HIVEP3: variants seen among roughly 807,000 people sequenced by gnomAD.
HIVEP3 encodes HIVEP zinc finger 3, also known as transcription factor HIVEP3.
A neutral mutation model predicts 152.8 loss-of-function variants in HIVEP3; 49 were observed. The ratio of observed to expected loss-of-function variants is 0.32; its 90% CI spans 0.26 to 0.41. The LOEUF is 0.41. Among genes scored for constraint, HIVEP3 ranks in the 10% least tolerant of loss-of-function variants. The probability of loss-of-function intolerance (pLI) is 1.00; values close to 1 mark genes in which losing one functional copy is unlikely to be tolerated. For synonymous variants in HIVEP3, 1,269 were observed against 1,289.0 expected, an observed-to-expected ratio of 0.98 and a Z score of 0.33; for missense variants, 2,790 against 3,103.3, an observed-to-expected ratio of 0.90 and a Z score of 2.40.
At chr1:41,635,489 T>TATAC (rs151222285) in intron 2 of HIVEP3, among the ~76,000 whole-genome samples, 3,897 of 147,430 alleles carry the variant, frequency 0.026, 329 homozygotes, top group African/African-American at 0.094. Context: ...TATATATATA[T>TATAC]ACACACACAT....
chr1:41,547,483 T>C (rs1569860156), intron 5 of HIVEP3, among the ~76,000 whole-genome samples: 1 of 151,970 alleles, frequency 6.6e-6, no homozygotes, highest in Admixed American at 6.6e-5. Flanking sequence ...GTGGAGGGGA[T>C]GGCAGGAGCA....
chr1:41,589,087 G>A (rs931615922), intron 3 of HIVEP3, among the ~76,000 whole-genome samples: 1 of 152,184 alleles, frequency 6.6e-6, no homozygotes, highest in East Asian at 1.9e-4. Context: ...GGTTCTGAGG[G>A]TATGTGTGAA....
intron 1 of HIVEP3, among the ~76,000 whole-genome samples, chr1:41,909,486 AACTG>A (rs778666556): frequency 6.6e-6 from 1 of 152,172 alleles, no homozygotes; most frequent in Non-Finnish European, 1.5e-5. Context: ...ATAAAACACA[AACTG>A]ACAGACCATA....
intron 1 of HIVEP3, among the ~76,000 whole-genome samples, chr1:41,749,152 C>T (rs1353001757): frequency 6.6e-6 from 1 of 152,158 alleles, no homozygotes; most frequent in Non-Finnish European, 1.5e-5. Flanking sequence ...TGAATGTCAC[C>T]CACTAGAAGG....
At position 41,581,101 on chromosome 1, in the gene HIVEP3, C is replaced by T. The variant is rs1644398074; in HGVS notation, c.3697G>A (p.Ala1233Thr). The T allele has an allele frequency of 1.3e-6, 2 of 1,559,040 alleles. No individual in the cohort carries two copies. The highest frequency in any genetic ancestry group is 2.3e-5 in the East Asian group (1 of 44,366). ...GGCAGGAAAAACCCAGAAGACAGTG[C>T]TGAGGAGGTCGGGTATGGCATGGGG... ...FLPMPYPTSS[A>T]LSSGFFLPLQ... is the part of the protein sequence containing the mutation. The change falls in exon 4 of 9, where the codon GCA (alanine) becomes ACA (threonine). Residue 1233 changes from alanine (A) to threonine (T), a missense_variant. By Grantham distance (58) the Ala-to-Thr change is moderately conservative. Transcript: ENST00000372583. This position sits in a 1 kb window ranked among gnomAD's most constrained non-coding sequence, Gnocchi z 4.5.
At chr1:41,570,203 T>C (rs1238266065) in intron 5 of HIVEP3, among the ~76,000 whole-genome samples, 1 of 152,164 alleles carries the variant, frequency 6.6e-6, no homozygotes, top group Non-Finnish European at 1.5e-5. Flanking sequence ...CAGGCGATGA[T>C]GGGACTCACT....
intron 1 of HIVEP3, among the ~76,000 whole-genome samples, chr1:41,962,251 G>A (rs1645173473): frequency 6.6e-6 from 1 of 152,176 alleles, no homozygotes; most frequent in Non-Finnish European, 1.5e-5. Context: ...CAGAAGAGAG[G>A]CCAGGCCCAG....
intron 1 of HIVEP3, among the ~76,000 whole-genome samples, chr1:41,808,287 A>G (rs1650751120): frequency 6.6e-6 from 1 of 152,184 alleles, no homozygotes; most frequent in African/African-American, 2.4e-5. Context: ...TGCCCCAAAG[A>G]CCACAAAATG....
chr1:41,579,728 T>C lies in HIVEP3; in HGVS notation c.5061+9A>G. On this transcript the variant is annotated intron_variant, in intron 4 of 8. Transcript: ENST00000372583. ...TCAGTGATGAGAAGAAAAACAAGGC[T>C]GAACTTACCTCTGTCATGCGGGGCT... 6.5e-7 allele frequency: 1 copy of C among 1,544,660 alleles called. No individual in the cohort carries two copies. The highest frequency in any genetic ancestry group is 8.7e-7 in the Non-Finnish European group (1 of 1,144,068).
At chr1:41,571,087 C>T (rs1344307360) in intron 5 of HIVEP3, among the ~76,000 whole-genome samples, 1 of 152,064 alleles carries the variant, frequency 6.6e-6, no homozygotes, top group Non-Finnish European at 1.5e-5. Flanking sequence ...GGAGGTGCAG[C>T]AGCTGAGTCC....
chr1:41,636,521 A>T (rs185121902), intron 2 of HIVEP3, among the ~76,000 whole-genome samples: 12 of 152,364 alleles, frequency 7.9e-5, no homozygotes, highest in Non-Finnish European at 1.6e-4. Context: ...ATCAACAGTT[A>T]AAAAGCAAAT....
chr1:42,032,614 A>G (rs1413500890), intron 1 of HIVEP3, among the ~76,000 whole-genome samples: 1 of 152,092 alleles, frequency 6.6e-6, no homozygotes, highest in African/African-American at 2.4e-5. Flanking sequence ...AGCTCCAATC[A>G]GGGGCTCTCC....
chr1:41,715,668 G>A (rs540361830), intron 1 of HIVEP3, among the ~76,000 whole-genome samples: 4 of 152,322 alleles, frequency 2.6e-5, no homozygotes, highest in Admixed American at 1.3e-4. Context: ...TCCCCAGGCC[G>A]GCTTTGCTGC....
chr1:41,596,405 G>A (rs1644666449), intron 3 of HIVEP3, among the ~76,000 whole-genome samples: 1 of 152,152 alleles, frequency 6.6e-6, no homozygotes, highest in African/African-American at 2.4e-5. Flanking sequence ...TTGGAAGGAA[G>A]AGGTTTTTTG....
chr1:41,898,878 C>A lies in HIVEP3; in HGVS notation c.-801+19535G>T, dbSNP rs551264329. Among the ~76,000 whole-genome samples the A allele has an allele frequency of 3.9e-5, 6 of 152,326 alleles. No individual in the cohort carries two copies. In the East Asian group the frequency reaches 1.2e-3, roughly 29 times the overall value. On this transcript the variant is annotated intron_variant, in intron 1 of 8. Coordinates refer to ENST00000372583, the MANE Select transcript of HIVEP3 (RefSeq NM_024503.5). ...CTGGTTCCCAGGCTAGAAGACAGAC[C>A]AGATCTATTCATTCAGCAAGCATTA... is the stretch of plus-strand genomic sequence containing the variant.
Position 41,892,946 on chromosome 1 carries a change from C to A in HIVEP3, c.-801+25467G>T, listed in dbSNP as rs115714235. Among the ~76,000 whole-genome samples the A allele has an allele frequency of 7.3e-3, 1,079 of 148,634 alleles. 15 individuals carry two copies. Among genetic ancestry groups the A allele is most frequent in the African/African-American group, 0.027 (1,046 of 38,284 alleles). ...ACCAGCCAGGGCAACATGGTGAAAC[C>A]CTATCTCTAAAAAAAAAAATGCAAA... On this transcript the variant is annotated intron_variant, in intron 1 of 8. Transcript: ENST00000372583.
intron 1 of HIVEP3, among the ~76,000 whole-genome samples, chr1:41,878,484 GA>G (rs1644206447): frequency 6.6e-6 from 1 of 152,156 alleles, no homozygotes; most frequent in African/African-American, 2.4e-5. Context: ...CTGAATGTGT[GA>G]TATTTGGTCA....
At chr1:41,616,908 A>C (rs1319433172) in intron 3 of HIVEP3, among the ~76,000 whole-genome samples, 1 of 152,242 alleles carries the variant, frequency 6.6e-6, no homozygotes, top group African/African-American at 2.4e-5. Context: ...TAACTCAGTT[A>C]CTGCTCCTAA....
chr1:41,722,408 C>CCTTCCTTT (rs1646687755), intron 1 of HIVEP3, among the ~76,000 whole-genome samples: 1 of 127,990 alleles, frequency 7.8e-6, no homozygotes, highest in Non-Finnish European at 1.7e-5. Flanking sequence ...GGCTGGCCTT[C>CCTTCCTTT]CTTCCTTCCT....
Sources: allele counts gnomAD v4.1 joint callset (sites outside exome capture counted in the v4.1 genomes callset), GRCh38; gene constraint gnomAD v4.1.1; non-coding constraint Gnocchi (gnomAD v3.1); transcripts MANE v1.5; gene names NCBI Gene and HGNC (gene_info 2026-07-23, HGNC 2026-07-21).